CLPX: variants seen among roughly 807,000 people sequenced by gnomAD.
The protein encoded by CLPX is caseinolytic mitochondrial matrix peptidase chaperone subunit X, also known as ATP-dependent clpX-like chaperone, mitochondrial.
CLPX carries 34 observed loss-of-function variants against 76.4 expected under a neutral mutation model. The observed-to-expected ratio is 0.45, with a 90% CI of 0.34 to 0.59. The LOEUF is 0.59. CLPX is among the 20% of genes least tolerant of loss of function. CLPX has a pLI of 0.01. For missense variants in CLPX, 613 were observed against 757.0 expected, an observed-to-expected ratio of 0.81 and a Z score of 2.23; for synonymous variants, 248 against 270.9, an observed-to-expected ratio of 0.92 and a Z score of 0.83.
intron 3 of CLPX, among the ~76,000 whole-genome samples, chr15:65,176,598 C>CTT (rs747274807): frequency 2.1e-5 from 3 of 140,938 alleles, no homozygotes; most frequent in South Asian, 2.2e-4. Context: ...TTTTTTCTTT[C>CTT]TTTTTTTTTT....
At chr15:65,185,006 C>T (rs1259558719) in intron 1 of CLPX, 69 bp downstream of exon 1, 3 of 1,404,978 alleles carry the variant, frequency 2.1e-6, no homozygotes, top group African/African-American at 2.8e-5. Context: ...TCCCCGGGGC[C>T]CCCAACCATT....
chr15:65,179,019 T>A lies in CLPX; in HGVS notation c.273A>T (p.Ser91=). 6.2e-7 allele frequency: 1 copy of A among 1,611,686 alleles called. No homozygotes were observed. The highest frequency in any genetic ancestry group is 8.5e-7 in the Non-Finnish European group (1 of 1,178,316). The change falls in exon 3 of 14, where the codon TCA becomes TCT. Residue 91 remains serine (S), a synonymous_variant. Transcript: ENST00000300107. ...CACCTTTCCCAGAATTCCCAGAGCC[T>A]GATTTCTTACTACTTCCCTCACTTG... ...KSASEGSSKK[S]GSGNSGKGGN...
chr15:65,159,341 A>G (rs1381097601), intron 6 of CLPX, among the ~76,000 whole-genome samples: 3 of 152,240 alleles, frequency 2.0e-5, no homozygotes, highest in Non-Finnish European at 4.4e-5. Context: ...TTATCAGTTT[A>G]TCAGCCAGAT....
chr15:65,162,077 A>G (rs889092641), intron 6 of CLPX, among the ~76,000 whole-genome samples: 2 of 152,184 alleles, frequency 1.3e-5, no homozygotes, highest in African/African-American at 4.8e-5. Flanking sequence ...CCCTCAATGC[A>G]GCAACTAACT....
chr15:65,154,371 G>C (rs535207219), intron 11 of CLPX, among the ~76,000 whole-genome samples: 1 of 152,156 alleles, frequency 6.6e-6, no homozygotes, highest in Non-Finnish European at 1.5e-5. Context: ...ATCCAATTGG[G>C]TATGTGGGCT....
intron 6 of CLPX, 114 bp from the exon 7 acceptor site, chr15:65,158,865 T>C (rs2087821195): frequency 1.2e-6 from 1 of 865,136 alleles, no homozygotes; most frequent in African/African-American, 1.7e-5. Context: ...TTTAAGTATT[T>C]TGACATTCTG....
chr15:65,156,679 C>G (rs2087793201), intron 9 of CLPX, 165 bp downstream of exon 9: 1 of 421,100 alleles, frequency 2.4e-6, no homozygotes, highest in Non-Finnish European at 4.2e-6. Flanking sequence ...AAATTGTCAA[C>G]AACTTTCTTT....
intron 8 of CLPX, 32 bp from the exon 9 acceptor site, chr15:65,156,964 C>T (rs753353818): frequency 6.0e-5 from 86 of 1,432,926 alleles, no homozygotes; most frequent in Non-Finnish European, 7.4e-5. Context: ...ATTTATAATA[C>T]GAAAAAGATA....
chr15:65,183,438 G>A (rs1313942559), intron 1 of CLPX, among the ~76,000 whole-genome samples: 10 of 123,684 alleles, frequency 8.1e-5, no homozygotes, highest in Non-Finnish European at 1.1e-4. Flanking sequence ...TCCAGCCTGA[G>A]CGACAGAGCG....
chr15:65,181,173 T>C (rs2088164461), intron 1 of CLPX, among the ~76,000 whole-genome samples: 1 of 151,794 alleles, frequency 6.6e-6, no homozygotes, highest in East Asian at 1.9e-4. Context: ...CACTCCAGCC[T>C]GGGCAACAGA....
chr15:65,152,357 C>T, intron 13 of CLPX, 73 bp downstream of exon 13: 1 of 580,622 alleles, frequency 1.7e-6, no homozygotes, highest in Non-Finnish European at 2.9e-6. Context: ...TTTAAAATGA[C>T]AAACCAATAA....
At chr15:65,165,660 C>A (rs2087902955) in intron 4 of CLPX, among the ~76,000 whole-genome samples, 1 of 151,980 alleles carries the variant, frequency 6.6e-6, no homozygotes, top group Non-Finnish European at 1.5e-5. Flanking sequence ...GCTGGGATTA[C>A]AGGAGTGAAC....
chr15:65,183,460 CAAAAA>C (rs61002905), intron 1 of CLPX, among the ~76,000 whole-genome samples: 2 of 66,268 alleles, frequency 3.0e-5, no homozygotes, highest in African/African-American at 6.3e-5. Flanking sequence ...GACTCTGTCT[CAAAAA>C]AAAAAAAAAA....
chr15:65,176,647 G>C (rs1429048468), intron 3 of CLPX, among the ~76,000 whole-genome samples: 1 of 148,324 alleles, frequency 6.7e-6, no homozygotes, highest in African/African-American at 2.5e-5. Flanking sequence ...CCAGGCTAGA[G>C]TGCAGTGGTG....
chr15:65,153,321 T>C (rs2087748090), intron 12 of CLPX, among the ~76,000 whole-genome samples: 1 of 151,988 alleles, frequency 6.6e-6, no homozygotes. Context: ...GTGGTGGTTC[T>C]TGCCTATAGT....
At position 65,165,375 on chromosome 15, in the gene CLPX, A is replaced by ATT. The variant is rs34678725; in HGVS notation, c.514-1189_514-1188dup. On this transcript the variant is annotated intron_variant, in intron 4 of 13. Coordinates refer to ENST00000300107, the MANE Select transcript of CLPX (RefSeq NM_006660.5). ...TCCTGAAATTAGTTAAACTGCCTGG[A>ATT]TTTTTTTTTTTTTTTTTTTTTTTTT... Among the ~76,000 whole-genome samples the ATT allele has an allele frequency of 1.0e-3, 70 of 69,200 alleles. 1 individual carries two copies. The highest frequency in any genetic ancestry group is 2.2e-3 in the African/African-American group (43 of 19,502). 45.4% of individuals were successfully genotyped at this position (69,200 alleles called of 152,430 possible).
chr15:65,163,152 T>C (rs944162026), intron 5 of CLPX, among the ~76,000 whole-genome samples: 3 of 152,058 alleles, frequency 2.0e-5, no homozygotes, highest in Non-Finnish European at 2.9e-5. Flanking sequence ...CACTGGAGCC[T>C]GGGAAGTTGA....
intron 1 of CLPX, among the ~76,000 whole-genome samples, 192 bp downstream of exon 1, chr15:65,184,883 G>A (rs1350935714): frequency 2.0e-5 from 3 of 152,284 alleles, no homozygotes; most frequent in South Asian, 4.1e-4. Context: ...TCCAATTTGA[G>A]CAACGGCTGC....
rs2088114745 is a variant in CLPX, at chr15:65,178,207, T to C, written c.358+727A>G. Among the ~76,000 whole-genome samples the C allele has an allele frequency of 2.0e-5, 3 of 152,222 alleles. No individual in the cohort carries two copies. In the South Asian group the frequency reaches 6.2e-4, roughly 31 times the overall value. On this transcript the variant is annotated intron_variant, in intron 3 of 13. Coordinates refer to ENST00000300107, the MANE Select transcript of CLPX (RefSeq NM_006660.5). ...AAGGGAAATTACCTTAATATATGAA[T>C]GACTGGCCTTCCCAGCCATGTGAGA...
Sources: gnomAD v4.1 joint callset for allele counts (sites outside exome capture counted in the v4.1 genomes callset) on GRCh38, gnomAD v4.1.1 for gene constraint, MANE v1.5 for transcripts, NCBI Gene and HGNC (gene_info 2026-07-23, HGNC 2026-07-21) for gene names.